NTM: variants seen among roughly 807,000 people sequenced by gnomAD.
NTM encodes neurotrimin, also known as IgLON family member 2.
A neutral mutation model predicts 42.1 loss-of-function variants in NTM; 13 were observed. The ratio of observed to expected loss-of-function variants is 0.31; its 90% CI spans 0.20 to 0.49. The LOEUF is 0.49. NTM is among the 20% of genes least tolerant of loss of function. The pLI is 0.99. For synonymous variants in NTM, 187 were observed against 179.2 expected (o/e 1.04, Z -0.35); for missense variants, 373 against 452.8 (o/e 0.82, Z 1.60).
At chr11:131,708,590 T>G (rs1412767741) in intron 1 of NTM, among the ~76,000 whole-genome samples, 1 of 152,156 alleles carries the variant, frequency 6.6e-6, no homozygotes, top group East Asian at 1.9e-4. Flanking sequence ...TGTAGTGTTT[T>G]AGGAAATAGA....
At chr11:132,025,429 C>T (rs1213011587) in intron 2 of NTM, among the ~76,000 whole-genome samples, 1 of 152,166 alleles carries the variant, frequency 6.6e-6, no homozygotes, top group African/African-American at 2.4e-5. Flanking sequence ...TAGTGCTTCT[C>T]AAAATGTGGT....
At chr11:131,765,063 A>T (rs1006270413) in intron 1 of NTM, among the ~76,000 whole-genome samples, 1 of 152,090 alleles carries the variant, frequency 6.6e-6, no homozygotes, top group Non-Finnish European at 1.5e-5. Flanking sequence ...CTCCAGTTAC[A>T]CTGTGTACTC....
intron 2 of NTM, among the ~76,000 whole-genome samples, chr11:132,086,258 A>G (rs2059691156): frequency 6.8e-6 from 1 of 147,116 alleles, no homozygotes; most frequent in African/African-American, 2.6e-5. Flanking sequence ...CAGGAGGCGG[A>G]GCTTGCAGTG....
chr11:132,046,475 A>C (rs1011051842), intron 2 of NTM, among the ~76,000 whole-genome samples: 2 of 152,146 alleles, frequency 1.3e-5, no homozygotes, highest in African/African-American at 2.4e-5. Flanking sequence ...GTGAGTTATT[A>C]TACTCTCTGA....
intron 1 of NTM, among the ~76,000 whole-genome samples, chr11:131,420,270 GA>G (rs1197825005): frequency 6.6e-6 from 1 of 152,138 alleles, no homozygotes; most frequent in African/African-American, 2.4e-5. Flanking sequence ...AGGAGCAGGA[GA>G]CCTGATGATG....
intron 1 of NTM, among the ~76,000 whole-genome samples, chr11:131,867,377 G>T (rs1321410251): frequency 6.6e-6 from 1 of 152,012 alleles, no homozygotes; most frequent in Non-Finnish European, 1.5e-5. Flanking sequence ...GTGTCTGGGG[G>T]TGTGTGTGTG....
intron 1 of NTM, among the ~76,000 whole-genome samples, chr11:131,629,862 A>G (rs2063483254): frequency 6.6e-6 from 1 of 152,210 alleles, no homozygotes; most frequent in Non-Finnish European, 1.5e-5. Context: ...CTTAAATAAT[A>G]CAGACATCCA....
intron 2 of NTM, among the ~76,000 whole-genome samples, chr11:132,088,682 T>C (rs942376481): frequency 2.6e-5 from 4 of 152,114 alleles, no homozygotes; most frequent in African/African-American, 9.7e-5. Flanking sequence ...CCAGTCCACA[T>C]TGATTTATTT....
At chr11:132,070,015 T>G (rs2057267182) in intron 2 of NTM, among the ~76,000 whole-genome samples, 1 of 101,958 alleles carries the variant, frequency 9.8e-6, no homozygotes, top group African/African-American at 4.5e-5. Context: ...CACAGCCAAG[T>G]AAGTTAACAC....
chr11:131,789,603 A>G (rs1479006859), intron 1 of NTM, among the ~76,000 whole-genome samples: 2 of 85,894 alleles, frequency 2.3e-5, no homozygotes, highest in African/African-American at 5.0e-5. Context: ...AAGAAGAAGA[A>G]GAAGAAGAAG....
intron 1 of NTM, among the ~76,000 whole-genome samples, chr11:131,577,216 A>C (rs574323986): frequency 2.0e-5 from 3 of 152,334 alleles, no homozygotes; most frequent in Non-Finnish European, 2.9e-5. Context: ...GTATTTGAAC[A>C]TACCTTGTAG....
intron 1 of NTM, among the ~76,000 whole-genome samples, chr11:131,713,464 G>T (rs146368955): frequency 1.8e-4 from 27 of 152,232 alleles, no homozygotes; most frequent in African/African-American, 6.3e-4. Context: ...AGGAGCAATT[G>T]TGTCCTAAGC....
At chr11:131,477,888 G>C (rs1166550276) in intron 1 of NTM, among the ~76,000 whole-genome samples, 1 of 150,496 alleles carries the variant, frequency 6.6e-6, no homozygotes, top group African/African-American at 2.5e-5. Flanking sequence ...CGTTTAGCAG[G>C]CCACCAGGTT....
chr11:131,387,116 T>C (rs546718341), intron 1 of NTM, among the ~76,000 whole-genome samples: 1 of 152,278 alleles, frequency 6.6e-6, no homozygotes, highest in Non-Finnish European at 1.5e-5. Context: ...ATCTTTCAAA[T>C]AGGATATTTG....
At position 131,739,068 on chromosome 11, in the gene NTM, C is replaced by G. The variant is rs916960210; in HGVS notation, c.83-172496C>G. Among the ~76,000 whole-genome samples, 6 of 152,144 alleles carry G rather than the reference C, an allele frequency of 3.9e-5. No individual in the cohort carries two copies. In the East Asian group the frequency reaches 1.2e-3, roughly 29 times the overall value. On this transcript the variant is annotated intron_variant, in intron 1 of 8. Coordinates refer to ENST00000683400, the MANE Select transcript of NTM (RefSeq NM_001352005.2). ...CTGCCAAGTGAAGCAACAATCCCTC[C>G]CACTGCCAAGCTTACAGTCACATTA...
chr11:132,115,900 C>T (rs536965418), intron 2 of NTM, among the ~76,000 whole-genome samples: 1 of 152,184 alleles, frequency 6.6e-6, no homozygotes, highest in Admixed American at 6.5e-5. Flanking sequence ...TCTATTGGGG[C>T]AAATAAGCAA....
At chr11:132,270,889 G>T (rs2093445150) in intron 4 of NTM, among the ~76,000 whole-genome samples, 1 of 152,078 alleles carries the variant, frequency 6.6e-6, no homozygotes, top group Non-Finnish European at 1.5e-5. Context: ...GCAGTTGTTA[G>T]CATTGTTGAG....
At chr11:132,094,170 A>G (rs1426024098) in intron 2 of NTM, among the ~76,000 whole-genome samples, 1 of 152,228 alleles carries the variant, frequency 6.6e-6, no homozygotes, top group Non-Finnish European at 1.5e-5. Context: ...TCTAGGTTAT[A>G]GTTCACAATG....
chr11:131,997,511 G>T (rs1193046584), intron 2 of NTM, among the ~76,000 whole-genome samples: 3 of 152,194 alleles, frequency 2.0e-5, no homozygotes, highest in African/African-American at 7.2e-5. Flanking sequence ...CATGGTGGTG[G>T]TGAGCATGCG....
Sources: allele counts gnomAD v4.1 joint callset (sites outside exome capture counted in the v4.1 genomes callset), GRCh38; gene constraint gnomAD v4.1.1; transcripts MANE v1.5; gene names NCBI Gene and HGNC (gene_info 2026-07-23, HGNC 2026-07-21).